The following ZFHX3 variants were observed in gnomAD, a reference collection of about 807,000 sequenced individuals.
The protein encoded by ZFHX3 is zinc finger homeobox 3.
Under a neutral mutation model 279.1 loss-of-function variants are expected in ZFHX3, and 42 were observed. That is an observed-to-expected ratio of 0.15 (90% confidence interval 0.12 to 0.19). ZFHX3 has a LOEUF of 0.19. Among genes scored for constraint, ZFHX3 ranks in the 10% least tolerant of loss-of-function variants. The pLI, the probability that ZFHX3 is intolerant of heterozygous loss-of-function variation, is 1.00. For missense variants in ZFHX3, 4,981 were observed against 4,754.0 expected (o/e 1.05, Z -1.40); for synonymous variants, 2,293 against 1,957.8 (o/e 1.17, Z -4.52).
chr16:73,535,385 T>C (rs991252004), intron 2 of ZFHX3, among the ~76,000 whole-genome samples: 1 of 152,222 alleles, frequency 6.6e-6, no homozygotes, highest in Non-Finnish European at 1.5e-5. Context: ...TCTTGGGAGC[T>C]GGTATGAGGA....
intron 3 of ZFHX3, among the ~76,000 whole-genome samples, chr16:73,376,190 T>C (rs936855205): frequency 7.9e-5 from 12 of 152,198 alleles, no homozygotes; most frequent in Non-Finnish European, 1.5e-4. Flanking sequence ...AGATTTTATA[T>C]AATTTTTTTG....
intron 3 of ZFHX3, among the ~76,000 whole-genome samples, chr16:73,381,134 A>C (rs1335053123): frequency 3.9e-5 from 6 of 152,180 alleles, no homozygotes; most frequent in Admixed American, 6.5e-5. Context: ...CTATATGAAT[A>C]AACTATAAAA....
chr16:73,042,358 A>G (rs1464862097), intron 1 of ZFHX3, among the ~76,000 whole-genome samples: 1 of 152,166 alleles, frequency 6.6e-6, no homozygotes, highest in Non-Finnish European at 1.5e-5. Flanking sequence ...CTATGATAGA[A>G]ATGGGCACCG....
At chr16:73,792,035 T>C (rs1188477386) in intron 1 of ZFHX3, among the ~76,000 whole-genome samples, 2 of 152,174 alleles carry the variant, frequency 1.3e-5, no homozygotes, top group Non-Finnish European at 2.9e-5. Flanking sequence ...AGAATCAAAA[T>C]TCCAGACTCC....
At chr16:73,875,160 T>C (rs2029909123) in intron 1 of ZFHX3, among the ~76,000 whole-genome samples, 1 of 152,194 alleles carries the variant, frequency 6.6e-6, no homozygotes, top group African/African-American at 2.4e-5. Context: ...ACATAAAATA[T>C]TTAGTTTCCC....
intron 2 of ZFHX3, among the ~76,000 whole-genome samples, chr16:73,505,878 C>G (rs1210530339): frequency 6.6e-6 from 1 of 152,238 alleles, no homozygotes; most frequent in East Asian, 1.9e-4. Context: ...CAGAATCTTT[C>G]CCGCTCCATG....
At chr16:73,020,785 C>T (rs1050731213) in intron 1 of ZFHX3, among the ~76,000 whole-genome samples, 1 of 152,170 alleles carries the variant, frequency 6.6e-6, no homozygotes, top group African/African-American at 2.4e-5. Context: ...CCTTTTCTGT[C>T]TTATCCTATT....
intron 1 of ZFHX3, among the ~76,000 whole-genome samples, chr16:73,756,204 T>A (rs546789338): frequency 6.6e-6 from 1 of 152,290 alleles, no homozygotes; most frequent in South Asian, 2.1e-4. Context: ...GCACTGCACA[T>A]GGTCTCACTC....
intron 1 of ZFHX3, among the ~76,000 whole-genome samples, chr16:73,042,926 C>G (rs542859903): frequency 6.6e-6 from 1 of 151,970 alleles, no homozygotes; most frequent in African/African-American, 2.4e-5. Flanking sequence ...ATGTCATTAG[C>G]TTCCTCCCAG....
intron 1 of ZFHX3, among the ~76,000 whole-genome samples, chr16:72,989,956 C>G (rs1468203623): frequency 6.6e-6 from 1 of 152,172 alleles, no homozygotes; most frequent in African/African-American, 2.4e-5. Context: ...AAAGAGAAAG[C>G]AGGAGTCAGG....
intron 5 of ZFHX3, among the ~76,000 whole-genome samples, chr16:73,228,381 G>A (rs2012669159): frequency 6.6e-6 from 1 of 152,164 alleles, no homozygotes; most frequent in African/African-American, 2.4e-5. Context: ...AAGAAACCAA[G>A]GCCAGGCATG....
At chr16:73,065,594 TGTGTGTGTGTGTGC>T (rs1410274391) in intron 8 of ZFHX3, among the ~76,000 whole-genome samples, 1 of 148,408 alleles carries the variant, frequency 6.7e-6, no homozygotes, top group Non-Finnish European at 1.5e-5. Context: ...TGTGTGTGTG[TGTGTGTGTGTGTGC>T]GTGTGTGTGT....
intron 4 of ZFHX3, among the ~76,000 whole-genome samples, chr16:73,268,166 T>C (rs1331298459): frequency 6.6e-6 from 1 of 152,220 alleles, no homozygotes; most frequent in African/African-American, 2.4e-5. Context: ...CTTCCTTTTT[T>C]TTCCCTAGAC....
At chr16:73,790,073 G>T (rs1325947403) in intron 1 of ZFHX3, among the ~76,000 whole-genome samples, 2 of 152,096 alleles carry the variant, frequency 1.3e-5, no homozygotes, top group African/African-American at 4.8e-5. Context: ...GCTGAAACTT[G>T]CCATGCAAAA....
chr16:72,882,085 G>C (rs542337043), intron 4 of ZFHX3, among the ~76,000 whole-genome samples: 1 of 150,518 alleles, frequency 6.6e-6, no homozygotes, highest in Non-Finnish European at 1.5e-5. Context: ...GAGGACCCCC[G>C]CCCAATGCTC....
chr16:72,871,311 G>C (rs2038154879), intron 4 of ZFHX3, among the ~76,000 whole-genome samples: 1 of 151,240 alleles, frequency 6.6e-6, no homozygotes, highest in Admixed American at 6.6e-5. Flanking sequence ...AAGTAGCTAG[G>C]ATCACAGGTG....
chr16:73,753,384 C>T (rs151326468), intron 1 of ZFHX3, among the ~76,000 whole-genome samples: 30 of 152,290 alleles, frequency 2.0e-4, no homozygotes, highest in Middle Eastern at 3.4e-3. Context: ...TCCACATATA[C>T]TGTGGCAGCA....
Position 72,794,926 on chromosome 16 carries a change from T to C in ZFHX3, c.7756A>G (p.Ser2586Gly). ...LFDPSNPLLASQLLSGAIPQI... is the reference protein window; with the variant it reads ...LFDPSNPLLAGQLLSGAIPQI... ...GGTATGGCCCCAGAGAGCAGCTGGC[T>C]GGCCAGGAGTGGGTTACTGGGATCA... The change falls in exon 9 of 10, where the codon AGC becomes GGC. Residue 2586 changes from serine to glycine, a missense_variant. Physicochemically the swap from Ser to Gly is moderately conservative, Grantham distance 56. This residue lies in a region of ZFHX3 where 744 missense variants were observed against 701.3 expected (regional missense o/e 1.06). Transcript: ENST00000268489. The surrounding 1 kb of genome is among the most constrained non-coding windows in gnomAD (Gnocchi z 4.2). 6.2e-7 allele frequency: 1 copy of C among 1,614,138 alleles called. No individual in the cohort carries two copies. Among genetic ancestry groups the C allele is most frequent in the Admixed American group, 1.7e-5 (1 of 60,026 alleles).
intron 3 of ZFHX3, among the ~76,000 whole-genome samples, chr16:73,349,215 C>T (rs143451827): frequency 2.1e-4 from 32 of 152,286 alleles, no homozygotes; most frequent in East Asian, 1.4e-3. Context: ...GAAAGGAGGC[C>T]GGGCAAAGGC....
Sources: allele counts gnomAD v4.1 joint callset (sites outside exome capture counted in the v4.1 genomes callset), GRCh38; gene constraint gnomAD v4.1.1; regional missense constraint gnomAD v4.1.1; non-coding constraint Gnocchi (gnomAD v3.1); transcripts MANE v1.5; gene names NCBI Gene and HGNC (gene_info 2026-07-23, HGNC 2026-07-21).